The following SPEG variants were observed in gnomAD, a reference collection of about 807,000 sequenced individuals.
SPEG encodes the protein striated muscle preferentially expressed protein kinase.
A neutral mutation model predicts 300.4 loss-of-function variants in SPEG; 114 were observed. The ratio of observed to expected loss-of-function variants is 0.38; its 90% CI spans 0.33 to 0.44. The LOEUF (loss-of-function observed/expected upper bound fraction) is 0.44. Ranked by LOEUF, SPEG falls within the 20% of genes least tolerant of loss-of-function variation. SPEG has a pLI of 1.00. For synonymous variants in SPEG, 1,964 were observed against 2,018.9 expected, an observed-to-expected ratio of 0.97 and a Z score of 0.73; for missense variants, 4,201 against 4,586.2, an observed-to-expected ratio of 0.92 and a Z score of 2.43.
chr2:219,447,968 C>G lies in SPEG; in HGVS notation c.816-6C>G, dbSNP rs1298107485. The stretch of plus-strand genomic sequence containing the variant: ...TCCTCTACCCTTCTCCATCTTGGTT[C>G]TGCAGCAGCGTCCCTCAGAGCGGGT... On this transcript the variant is annotated splice_polypyrimidine_tract_variant and splice_region_variant and intron_variant, in intron 3 of 40. Coordinates refer to ENST00000312358, the MANE Select transcript of SPEG (RefSeq NM_005876.5). 5.0e-6 allele frequency: 8 copies of G among 1,612,130 alleles called. No homozygotes were observed. Among genetic ancestry groups the G allele is most frequent in the Non-Finnish European group, 6.8e-6 (8 of 1,179,660 alleles).
At chr2:219,490,348 A>G in intron 36 of SPEG, 61 bp from the exon 37 acceptor site, 4 of 1,560,628 alleles carry the variant, frequency 2.6e-6, no homozygotes, top group Non-Finnish European at 3.5e-6. Flanking sequence ...GTTAGCCCTC[A>G]CTATGGAAGT....
At position 219,444,756 on chromosome 2, in the gene SPEG, G is replaced by A. The variant is rs1041310408; in HGVS notation, c.478+14G>A. 7 of 1,613,656 alleles carry A rather than the reference G, an allele frequency of 4.3e-6. No homozygotes were observed. The African/African-American group carries it at 5.3e-5, about 12-fold the overall frequency. Reference sequence around the variant, plus strand: ...GCACCCCCACGGGTGAGCTCCTGGGGTGTACAAAGAGCAGGCAGGCGGGTT... The same window carrying A: ...GCACCCCCACGGGTGAGCTCCTGGGATGTACAAAGAGCAGGCAGGCGGGTT... On this transcript the variant is annotated intron_variant, in intron 2 of 40. Transcript: ENST00000312358. This position sits in a 1 kb window ranked among gnomAD's most constrained non-coding sequence, Gnocchi z 7.8.
In SPEG at chr2:219,484,789, G is replaced by C; in HGVS notation, c.7326G>C (p.Gly2442=). The C allele has an allele frequency of 6.8e-7, 1 of 1,469,966 alleles. No individual in the cohort carries two copies. Among genetic ancestry groups the C allele is most frequent in the Non-Finnish European group, 8.9e-7 (1 of 1,121,598 alleles). The allele number at this position is 1,469,966 out of a possible 1,614,324, so 91.1% of individuals were successfully genotyped here. A position where few individuals can be genotyped will look rare whatever the true frequency, so the allele number is the denominator to read the frequency against. ...RGGDGESSEG[G]SSARGSPVLA... is the part of the protein sequence containing the mutation. Reference sequence around the variant, plus strand: ...GGGACGGAGAGAGCTCGGAGGGCGGGAGCTCGGCGCGGGGCTCCCCGGTGC... The same window carrying C: ...GGGACGGAGAGAGCTCGGAGGGCGGCAGCTCGGCGCGGGGCTCCCCGGTGC... Residue 2442 remains glycine (G), a synonymous_variant, in exon 30 of 41, where the codon GGG becomes GGC. Coordinates refer to ENST00000312358, the MANE Select transcript of SPEG (RefSeq NM_005876.5).
chr2:219,452,954 T>G (rs973796701), intron 6 of SPEG, among the ~76,000 whole-genome samples: 6 of 152,206 alleles, frequency 3.9e-5, no homozygotes, highest in African/African-American at 1.4e-4. Context: ...ACTGCAGGTC[T>G]TCATCCTCCT....
At chr2:219,467,552 G>C in intron 10 of SPEG, 118 bp downstream of exon 10, 3 of 1,229,468 alleles carry the variant, frequency 2.4e-6, no homozygotes, top group Non-Finnish European at 3.4e-6. Context: ...GGAAGCGGGG[G>C]AGGGTGGGAG....
rs1689243985 is a variant in SPEG at position 219,445,865 on chromosome 2, A to C, written c.815+704A>C. Among the ~76,000 whole-genome samples the C allele has an allele frequency of 6.6e-6, 1 of 152,006 alleles. No individual in the cohort carries two copies. The highest frequency in any genetic ancestry group is 2.4e-5 in the African/African-American group (1 of 41,422). ...CTCATGGGAAACCCCTAAGTCCCTG[A>C]GGGTGGGATTCAAGGTTGTCCCAGG... On this transcript the variant is annotated intron_variant, in intron 3 of 40. Transcript: ENST00000312358. The surrounding 1 kb of genome is among the most constrained non-coding windows in gnomAD (Gnocchi z 6.1).
At position 219,448,908 on chromosome 2, in the gene SPEG, G is replaced by A. The variant is rs999753200; in HGVS notation, c.1750G>A (p.Glu584Lys). Residue 584 changes from glutamate to lysine, a missense_variant, in exon 4 of 41, where the codon GAA becomes AAA. By Grantham distance (56) the Glu-to-Lys change is moderately conservative. This residue lies in a region of SPEG where 1,258 missense variants were observed against 1,293.9 expected (regional missense o/e 0.97). Transcript: ENST00000312358. ...RGPAGRTEPG[E>K]GPQQEVRRRD... ...GCCGGCGGGCAGGACAGAGCCGGGGGAAGGCCCGCAGCAGGAGGTTAGGCG... is the reference window on the plus strand; with the variant it reads ...GCCGGCGGGCAGGACAGAGCCGGGGAAAGGCCCGCAGCAGGAGGTTAGGCG... 1.2e-5 allele frequency: 17 copies of A among 1,460,662 alleles called. No individual in the cohort carries two copies. In the East Asian group the frequency reaches 4.0e-4, roughly 34 times the overall value. 90.5% of individuals were successfully genotyped at this position (1,460,662 alleles called of 1,614,324 possible). A position where few individuals can be genotyped will look rare whatever the true frequency, so the allele number is the denominator to read the frequency against.
At chr2:219,483,060 G>T (rs920358038) in intron 29 of SPEG, 38 bp from the exon 30 acceptor site, 4 of 1,576,640 alleles carry the variant, frequency 2.5e-6, no homozygotes, top group Non-Finnish European at 3.4e-6. Context: ...TCCTGCCCCA[G>T]GGGTCCCTCA....
In SPEG at chr2:219,464,821, A is replaced by G. The variant is rs1691108598; in HGVS notation, c.2881+213A>G. On this transcript the variant is annotated intron_variant, in intron 9 of 40. Transcript: ENST00000312358. This position sits in a 1 kb window ranked among gnomAD's most constrained non-coding sequence, Gnocchi z 4.5. ...CTGCACAGCACATTGTTCCGTGCTCAGCTTACTACACAACACCACCTTCCC... is the reference window on the plus strand; with the variant it reads ...CTGCACAGCACATTGTTCCGTGCTCGGCTTACTACACAACACCACCTTCCC... The G allele has an allele frequency of 1.2e-5, 7 of 563,240 alleles. No individual in the cohort carries two copies. The highest frequency in any genetic ancestry group is 2.2e-5 in the Non-Finnish European group (7 of 316,562). The allele number at this position is 563,240 out of a possible 1,614,324, so 34.9% of individuals were successfully genotyped here. A position where few individuals can be genotyped will look rare whatever the true frequency, so the allele number is the denominator to read the frequency against.
chr2:219,462,598 G>A (rs575278964), intron 8 of SPEG, among the ~76,000 whole-genome samples: 1 of 152,376 alleles, frequency 6.6e-6, no homozygotes, highest in South Asian at 2.1e-4. Flanking sequence ...CTTCTGGGGA[G>A]GGGTTTGGGT....
At position 219,477,425 on chromosome 2, in the gene SPEG, C is replaced by G; in HGVS notation, c.4709C>G (p.Ala1570Gly). 6.3e-7 allele frequency: 1 copy of G among 1,593,844 alleles called. No individual in the cohort carries two copies. The highest frequency in any genetic ancestry group is 8.5e-7 in the Non-Finnish European group (1 of 1,169,982). Residue 1570 changes from alanine to glycine, a missense_variant, in exon 20 of 41, where the codon GCA becomes GGA. Transcript: ENST00000312358. The surrounding 1 kb of genome is among the most constrained non-coding windows in gnomAD (Gnocchi z 6.4). ...QNLAGEVSCKAELAVHSAQTA... is the reference protein window; with the variant it reads ...QNLAGEVSCKGELAVHSAQTA... ...CTGGCGGGTGAGGTCTCCTGCAAAG[C>G]AGAGTTGGCTGTGCATTCAGGTAGG...
At position 219,464,403 on chromosome 2, in the gene SPEG, C is replaced by A; in HGVS notation, c.2706-30C>A. On this transcript the variant is annotated intron_variant, in intron 8 of 40. Coordinates refer to ENST00000312358, the MANE Select transcript of SPEG (RefSeq NM_005876.5). The surrounding 1 kb of genome is among the most constrained non-coding windows in gnomAD (Gnocchi z 4.5). ...GTGCACGCACATCAGGCCCCTGGGCCCTGGGACTGAGTTCTTGCCCCTCTG... is the reference window on the plus strand; with the variant it reads ...GTGCACGCACATCAGGCCCCTGGGCACTGGGACTGAGTTCTTGCCCCTCTG... 1 of 1,595,354 alleles carries A rather than the reference C, an allele frequency of 6.3e-7. No homozygotes were observed. Among genetic ancestry groups the A allele is most frequent in the Non-Finnish European group, 8.5e-7 (1 of 1,174,488 alleles).
At chr2:219,440,854 C>T (rs376042077) in intron 1 of SPEG, among the ~76,000 whole-genome samples, 4 of 152,170 alleles carry the variant, frequency 2.6e-5, no homozygotes, top group Admixed American at 1.3e-4. Flanking sequence ...ATACCAAACA[C>T]GCAATAACTG....
In SPEG at chr2:219,477,958, T is replaced by G; in HGVS notation, c.4880T>G (p.Phe1627Cys). ...RIVERSSGLE[F>C]AAKFIPSQAK... ...GTGGAGCGTAGCTCCGGCCTGGAGTTTGCGGCCAAGTTCATCCCCAGCCAG... is the reference window on the plus strand; with the variant it reads ...GTGGAGCGTAGCTCCGGCCTGGAGTGTGCGGCCAAGTTCATCCCCAGCCAG... Residue 1627 changes from phenylalanine (F) to cysteine (C), a missense_variant, in exon 22 of 41, where the codon TTT becomes TGT. Phe to Cys is a radical substitution (Grantham distance 205, BLOSUM62 -2). Transcript: ENST00000312358. The surrounding 1 kb of genome is among the most constrained non-coding windows in gnomAD (Gnocchi z 6.4). 1.9e-6 allele frequency: 3 copies of G among 1,614,176 alleles called. No individual in the cohort carries two copies. The highest frequency in any genetic ancestry group is 2.5e-6 in the Non-Finnish European group (3 of 1,180,038).
chr2:219,435,727 A>C (rs930717520), intron 1 of SPEG, among the ~76,000 whole-genome samples: 3 of 152,134 alleles, frequency 2.0e-5, no homozygotes, highest in African/African-American at 7.2e-5. Context: ...TTTAAACTTG[A>C]GATTGACACT....
Position 219,473,812 on chromosome 2 carries a change from C to T in SPEG, c.4356C>T (p.Cys1452=), listed in dbSNP as rs1692102979. The T allele has an allele frequency of 6.2e-7, 1 of 1,613,948 alleles. No individual in the cohort carries two copies. The highest frequency in any genetic ancestry group is 1.7e-5 in the Admixed American group (1 of 60,034). The change falls in exon 18 of 41, where the codon TGC becomes TGT. Residue 1452 remains cysteine, a synonymous_variant. Transcript: ENST00000312358. The surrounding 1 kb of genome is among the most constrained non-coding windows in gnomAD (Gnocchi z 4.6). ...PDDDQYCLRI[C]RVSRRDMGAL... ...ATGACCAGTACTGTCTTCGGATCTG[C>T]CGGGTGAGCCGCCGGGACATGGGGG...
chr2:219,478,925 T>C (rs964880414), intron 22 of SPEG, among the ~76,000 whole-genome samples: 7 of 152,086 alleles, frequency 4.6e-5, no homozygotes, highest in Non-Finnish European at 1.0e-4. Flanking sequence ...TGAGATCCCA[T>C]AGAAAGTGGG....
intron 6 of SPEG, chr2:219,460,321 T>A (rs1690554331): frequency 1.0e-6 from 1 of 985,252 alleles, no homozygotes; most frequent in Non-Finnish European, 1.2e-6. Context: ...AGAAAACAGG[T>A]ATGCCCTGGC....
intron 6 of SPEG, among the ~76,000 whole-genome samples, chr2:219,457,622 A>G (rs1690294744): frequency 6.6e-6 from 1 of 152,236 alleles, no homozygotes; most frequent in Non-Finnish European, 1.5e-5. Context: ...AATTGTAAAG[A>G]GTCCGCCTTG....
Sources: allele counts gnomAD v4.1 joint callset (sites outside exome capture counted in the v4.1 genomes callset), GRCh38; gene constraint gnomAD v4.1.1; regional missense constraint gnomAD v4.1.1; non-coding constraint Gnocchi (gnomAD v3.1); transcripts MANE v1.5; gene names NCBI Gene and HGNC (gene_info 2026-07-23, HGNC 2026-07-21).